Variants in FABP6 observed in about 807,000 individuals in gnomAD.
The protein encoded by FABP6 is gastrotropin.
In FABP6, 13 loss-of-function variants were observed where a neutral mutation model predicts 14.9. That is an observed-to-expected ratio of 0.87 (90% CI 0.57 to 1.39). The LOEUF is 1.39. Among genes scored for constraint, FABP6 ranks in the 40% most tolerant of loss-of-function variants. The pLI, the probability that FABP6 is intolerant of heterozygous loss-of-function variation, is 0.00. For missense variants in FABP6, 161 were observed against 167.2 expected, an observed-to-expected ratio of 0.96 and a Z score of 0.20; for synonymous variants, 75 against 63.6, an observed-to-expected ratio of 1.18 and a Z score of -0.85.
At chr5:160,225,809 G>T (rs1291183840), upstream of FABP6, among the ~76,000 whole-genome samples, 1 of 152,130 alleles carries the variant, frequency 6.6e-6, no homozygotes, top group Non-Finnish European at 1.5e-5. Context: ...TTGTATATCT[G>T]TTACAGTTGA....
At position 160,212,446 on chromosome 5, in the gene FABP6, G is replaced by A. The variant is rs904889375; in HGVS notation, c.52-1290G>A. ...TGGGATTTCAGGCATGAGCTTCTGCGTCTGGCCCTACAACTGGCTAATTTT... is the reference window on the plus strand; with the variant it reads ...TGGGATTTCAGGCATGAGCTTCTGCATCTGGCCCTACAACTGGCTAATTTT... On this transcript the variant is annotated intron_variant, in intron 2 of 6. Coordinates refer to the FABP6 transcript ENST00000393980. Among the ~76,000 whole-genome samples the A allele has an allele frequency of 1.3e-4, 19 of 151,878 alleles. 2 individuals carry two copies. Among genetic ancestry groups the A allele is most frequent in the Non-Finnish European group, 1.5e-5 (1 of 68,010 alleles).
At chr5:160,236,997 A>C (rs549975888) in intron 3 of FABP6, among the ~76,000 whole-genome samples, 1 of 152,108 alleles carries the variant, frequency 6.6e-6, no homozygotes, top group Admixed American at 6.6e-5. Flanking sequence ...TAATAATAAT[A>C]ATCTAAAAAC....
At chr5:160,197,914 G>A in intron 1 of FABP6, 1 of 151,314 alleles carries the variant, frequency 6.6e-6, no homozygotes. Context: ...TCCTGATAAG[G>A]CTGCTTCGTG....
At position 160,238,644 on chromosome 5, in the gene FABP6, C is replaced by T. The variant is rs1561759382; in HGVS notation, c.372C>T (p.Ser124=). 3 of 1,614,016 alleles carry T rather than the reference C, an allele frequency of 1.9e-6. No individual in the cohort carries two copies. In the East Asian group the frequency reaches 6.7e-5, roughly 36 times the overall value. ...TIGGVTYERV[S]KRLA ...GAGGCGTGACCTATGAGCGCGTGAG[C>T]AAGAGACTGGCCTAAGCAGCCAGGC... Residue 124 remains serine, a synonymous_variant, in exon 4 of 4, where the codon AGC becomes AGT. Coordinates refer to ENST00000402432, the MANE Select transcript of FABP6 (RefSeq NM_001445.3).
At chr5:160,198,053 G>A (rs938241326) in intron 1 of FABP6, 1 of 153,076 alleles carries the variant, frequency 6.5e-6, no homozygotes, top group African/African-American at 2.4e-5. Flanking sequence ...GAGAAGAAGG[G>A]GGAAGGGGGT....
At chr5:160,211,745 A>G (rs1347152614) in intron 2 of FABP6, among the ~76,000 whole-genome samples, 2 of 151,944 alleles carry the variant, frequency 1.3e-5, no homozygotes, top group Admixed American at 6.6e-5. Flanking sequence ...CAAAAATTTT[A>G]TTTTTTGGTT....
intron 1 of FABP6, 128 bp downstream of exon 1, chr5:160,229,752 C>T (rs1204960854): frequency 1.3e-6 from 1 of 777,392 alleles, no homozygotes; most frequent in Non-Finnish European, 2.1e-6. Flanking sequence ...TTCATTCATT[C>T]ACACATTTGT....
At chr5:160,232,713 A>G (rs541275823) in intron 2 of FABP6, among the ~76,000 whole-genome samples, 93 of 152,088 alleles carry the variant, frequency 6.1e-4, no homozygotes, top group African/African-American at 2.0e-3. Flanking sequence ...CCTGGCCAAC[A>G]TGGTGAAACC....
chr5:160,225,154 T>C (rs12153175), upstream of FABP6, among the ~76,000 whole-genome samples: 31,560 of 151,462 alleles, frequency 0.21, 3,396 homozygotes, highest in South Asian at 0.25. Flanking sequence ...TAGAGTGTGG[T>C]GGTGTGATGT....
chr5:160,221,693 T>C (rs202110368), intron 3 of FABP6, among the ~76,000 whole-genome samples: 1 of 137,306 alleles, frequency 7.3e-6, no homozygotes, highest in South Asian at 2.4e-4. Context: ...CAAGTCCCTT[T>C]GAATAATGGA....
In FABP6 at chr5:160,229,641, G is replaced by A; in HGVS notation, c.67+17G>A. ...AGCTCCTTGGTGAGTGAGCTCCTGG[G>A]TATCCCTTCCTCGGGGTTGGTTTGT... On this transcript the variant is annotated intron_variant, in intron 1 of 3. Coordinates refer to ENST00000402432, the MANE Select transcript of FABP6 (RefSeq NM_001445.3). The A allele has an allele frequency of 6.2e-7, 1 of 1,612,906 alleles. No homozygotes were observed. Among genetic ancestry groups the A allele is most frequent in the Non-Finnish European group, 8.5e-7 (1 of 1,179,144 alleles).
chr5:160,217,467 T>C lies in FABP6; in HGVS notation c.135+3648T>C, dbSNP rs181946283. 4.6e-5 allele frequency among the ~76,000 whole-genome samples: 7 copies of C among 152,268 alleles called. No individual in the cohort carries two copies. The East Asian group carries it at 1.2e-3, about 25-fold the overall frequency. The stretch of plus-strand genomic sequence containing the variant: ...AGGGAAATGATTAACACTGCAAAGC[T>C]GGGAATTGGACAGAGCATCGTGGAA... On this transcript the variant is annotated intron_variant, in intron 3 of 6. Transcript: ENST00000393980.
chr5:160,235,911 G>A (rs976977672), intron 3 of FABP6, among the ~76,000 whole-genome samples: 1 of 152,030 alleles, frequency 6.6e-6, no homozygotes, highest in Non-Finnish European at 1.5e-5. Context: ...CACAGCTCTG[G>A]AAGCAGGAAA....
At chr5:160,201,047 A>G (rs1170879031) in intron 2 of FABP6, among the ~76,000 whole-genome samples, 1 of 152,180 alleles carries the variant, frequency 6.6e-6, no homozygotes, top group African/African-American at 2.4e-5. Flanking sequence ...ATATCTCTGA[A>G]GGATACATAA....
intron 1 of FABP6, among the ~76,000 whole-genome samples, chr5:160,194,249 C>CGCCGCAA (rs1759465156): frequency 6.6e-6 from 1 of 152,102 alleles, no homozygotes; most frequent in Non-Finnish European, 1.5e-5. Context: ...AAGCGCCGCA[C>CGCCGCAA]GCATCCGCAC....
chr5:160,211,306 C>T (rs977189935), intron 2 of FABP6, among the ~76,000 whole-genome samples: 19 of 152,114 alleles, frequency 1.2e-4, no homozygotes, highest in African/African-American at 4.6e-4. Flanking sequence ...CCTCACCCAC[C>T]CCCAGAGGGA....
At position 160,236,264 on chromosome 5, in the gene FABP6, C is replaced by T. The variant is rs150705400; in HGVS notation, c.333+1355C>T. Among the ~76,000 whole-genome samples, 760 of 152,242 alleles carry T rather than the reference C, an allele frequency of 5.0e-3. 6 individuals carry two copies. Among genetic ancestry groups the T allele is most frequent in the African/African-American group, 0.017 (692 of 41,530 alleles). On this transcript the variant is annotated intron_variant, in intron 3 of 3. Transcript: ENST00000402432. ...CTCCTGACCTCAAGTGATCTGCCCA[C>T]CCTGGTCTCCCAAAGTGCTGGGATT...
At chr5:160,190,238 A>G (rs1326805540) in intron 1 of FABP6, among the ~76,000 whole-genome samples, 1 of 151,970 alleles carries the variant, frequency 6.6e-6, no homozygotes, top group Non-Finnish European at 1.5e-5. Flanking sequence ...TAGCTTTTTT[A>G]TTTTTATTTT....
chr5:160,224,304 A>G (rs1476678272), intron 3 of FABP6, among the ~76,000 whole-genome samples: 1 of 152,120 alleles, frequency 6.6e-6, no homozygotes, highest in Non-Finnish European at 1.5e-5. Context: ...AATGCCTGTG[A>G]TCCTAGCTAC....
Sources: allele counts gnomAD v4.1 joint callset (sites outside exome capture counted in the v4.1 genomes callset), GRCh38; gene constraint gnomAD v4.1.1; transcripts MANE v1.5; gene names NCBI Gene and HGNC (gene_info 2026-07-23, HGNC 2026-07-21).